Variants in COL22A1 observed in about 807,000 individuals in gnomAD.
COL22A1 encodes the protein collagen alpha-1(XXII) chain.
A neutral mutation model predicts 248.9 loss-of-function variants in COL22A1; 221 were observed. That is an observed-to-expected ratio of 0.89 (90% CI 0.80 to 0.99). The LOEUF (loss-of-function observed/expected upper bound fraction) is 0.99. COL22A1 is among the 50% of genes least tolerant of loss of function. The probability of loss-of-function intolerance (pLI) is 0.00; values close to 1 mark genes in which losing one functional copy is unlikely to be tolerated. For missense variants in COL22A1, 2,240 were observed against 2,179.0 expected, an observed-to-expected ratio of 1.03 and a Z score of -0.56; for synonymous variants, 891 against 793.4, an observed-to-expected ratio of 1.12 and a Z score of -2.07.
At chr8:138,826,161 G>A (rs181143882) in intron 6 of COL22A1, among the ~76,000 whole-genome samples, 4 of 152,198 alleles carry the variant, frequency 2.6e-5, no homozygotes, top group South Asian at 2.1e-4. Context: ...TCCCACCAAC[G>A]GTTCATGGTA....
chr8:138,591,500 A>G lies in COL22A1; in HGVS notation c.4617T>C (p.Gly1539=). Residue 1539 remains glycine (G), a splice_region_variant and synonymous_variant, in exon 64 of 65, where the codon GGT becomes GGC. Coordinates refer to ENST00000303045, the MANE Select transcript of COL22A1 (RefSeq NM_152888.3). The part of the protein sequence containing the change: ...EGPSGPIGPK[G]ERGAKGDPGA... ...CTGGGTCACCTTTGGCTCCTCGCTC[A>G]CCTGGGAAGAAAAACATGCACTTTT... 1 of 1,539,252 alleles carries G rather than the reference A, an allele frequency of 6.5e-7. No homozygotes were observed.
intron 18 of COL22A1, among the ~76,000 whole-genome samples, chr8:138,756,362 T>C (rs533003118): frequency 1.2e-4 from 19 of 152,232 alleles, no homozygotes; most frequent in African/African-American, 4.6e-4. Context: ...GTCTCCTGCC[T>C]CCTCCTCCTT....
rs571599385 is a variant in COL22A1 at position 138,841,121 on chromosome 8, C to T, written c.733+2963G>A. On this transcript the variant is annotated intron_variant, in intron 4 of 64. Transcript: ENST00000303045. ...TTGTCCATCCCTCCATCCAGCCTCC[C>T]ATCCAACCATTCATGTTTTCATCCT... 2.9e-4 allele frequency among the ~76,000 whole-genome samples: 44 copies of T among 152,262 alleles called. No individual in the cohort carries two copies. In the South Asian group the frequency reaches 8.1e-3, roughly 28 times the overall value.
At chr8:138,811,986 C>A (rs974668918) in intron 8 of COL22A1, 65 bp from the exon 9 acceptor site, 9 of 1,482,356 alleles carry the variant, frequency 6.1e-6, no homozygotes, top group African/African-American at 4.2e-5. Flanking sequence ...CTGGCAGAAG[C>A]ACAGTGTCGG....
intron 7 of COL22A1, among the ~76,000 whole-genome samples, chr8:138,815,826 A>G (rs921171253): frequency 2.0e-5 from 3 of 152,116 alleles, no homozygotes; most frequent in Non-Finnish European, 2.9e-5. Flanking sequence ...GGAGGGGGGA[A>G]CGCTTATTGC....
intron 21 of COL22A1, among the ~76,000 whole-genome samples, chr8:138,754,086 AT>A (rs1225501921): frequency 6.6e-6 from 1 of 152,240 alleles, no homozygotes; most frequent in Non-Finnish European, 1.5e-5. Flanking sequence ...AAGATGAAAA[AT>A]AACATCTTCA....
At chr8:138,701,709 A>G (rs1827989514) in intron 31 of COL22A1, among the ~76,000 whole-genome samples, 3 of 152,232 alleles carry the variant, frequency 2.0e-5, no homozygotes, top group Admixed American at 2.0e-4. Context: ...TATGGATAAG[A>G]AAATTGGAGG....
At chr8:138,677,522 C>CGTAATTTCAATTATTTTGAAATTATTT (rs1564181556) in intron 40 of COL22A1, among the ~76,000 whole-genome samples, 1 of 96,342 alleles carries the variant, frequency 1.0e-5, no homozygotes, top group East Asian at 2.8e-4. Flanking sequence ...ACGCCTTATT[C>CGTAATTTCAATTATTTTGAAATTATTT]GTAATTTCAA....
At chr8:138,594,798 G>T (rs1039121920) in intron 62 of COL22A1, among the ~76,000 whole-genome samples, 1 of 152,128 alleles carries the variant, frequency 6.6e-6, no homozygotes, top group Non-Finnish European at 1.5e-5. Flanking sequence ...CTGATGCTGG[G>T]GTGGAGGAGG....
intron 9 of COL22A1, among the ~76,000 whole-genome samples, chr8:138,809,696 T>C (rs1818044660): frequency 1.3e-5 from 2 of 151,746 alleles, no homozygotes; most frequent in African/African-American, 4.8e-5. Flanking sequence ...AATTTTTGTA[T>C]TTTAGTAGAG....
intron 11 of COL22A1, among the ~76,000 whole-genome samples, chr8:138,799,512 A>G (rs967590931): frequency 6.6e-6 from 1 of 152,142 alleles, no homozygotes; most frequent in Non-Finnish European, 1.5e-5. Context: ...TGGCTAGATT[A>G]TTTTAATTAA....
At chr8:138,805,968 GATA>G (rs1817573922) in intron 10 of COL22A1, among the ~76,000 whole-genome samples, 2 of 141,262 alleles carry the variant, frequency 1.4e-5, no homozygotes, top group East Asian at 2.1e-4. Context: ...GTGTATGTGT[GATA>G]GTGTGTGTGA....
At chr8:138,635,490 A>G (rs1354956264) in intron 48 of COL22A1, among the ~76,000 whole-genome samples, 1 of 152,210 alleles carries the variant, frequency 6.6e-6, no homozygotes, top group Non-Finnish European at 1.5e-5. Flanking sequence ...AATGTACACA[A>G]TGGAAATGGT....
intron 1 of COL22A1, among the ~76,000 whole-genome samples, chr8:138,898,414 C>T (rs1483098545): frequency 6.8e-6 from 1 of 147,026 alleles, no homozygotes; most frequent in Non-Finnish European, 1.5e-5. Flanking sequence ...TTCATACCCT[C>T]CGCCACCACT....
chr8:138,662,011 G>A lies in COL22A1; in HGVS notation c.3240+19C>T, dbSNP rs777003263. On this transcript the variant is annotated intron_variant, in intron 43 of 64. Transcript: ENST00000303045. Reference sequence around the variant, plus strand: ...ATGTAAGGGCCTTCACTGAGTCCACGCCATTTCTCTGTACTTACGTCCCGG... The same window carrying A: ...ATGTAAGGGCCTTCACTGAGTCCACACCATTTCTCTGTACTTACGTCCCGG... 27 of 1,605,362 alleles carry A rather than the reference G, an allele frequency of 1.7e-5. No individual in the cohort carries two copies. The highest frequency in any genetic ancestry group is 5.4e-5 in the African/African-American group (4 of 74,714).
chr8:138,720,216 C>A (rs961726453), intron 27 of COL22A1, among the ~76,000 whole-genome samples: 1 of 152,132 alleles, frequency 6.6e-6, no homozygotes, highest in Non-Finnish European at 1.5e-5. Flanking sequence ...GAAGCTGGCC[C>A]GAGAAGGCTG....
chr8:138,674,550 G>A (rs546305566), intron 41 of COL22A1, among the ~76,000 whole-genome samples: 1 of 152,338 alleles, frequency 6.6e-6, no homozygotes, highest in South Asian at 2.1e-4. Context: ...CTTGACTAGA[G>A]CCAGCCAATT....
At chr8:138,691,116 G>T (rs1054386967) in intron 35 of COL22A1, among the ~76,000 whole-genome samples, 34 of 152,328 alleles carry the variant, frequency 2.2e-4, no homozygotes, top group African/African-American at 8.2e-4. Flanking sequence ...GACTCTGGAA[G>T]TTCCTTAGAG....
At chr8:138,858,527 C>T (rs1822215363) in intron 3 of COL22A1, among the ~76,000 whole-genome samples, 1 of 152,092 alleles carries the variant, frequency 6.6e-6, no homozygotes, top group African/African-American at 2.4e-5. Flanking sequence ...ACTACAGGCA[C>T]ATGCCCACCA....
Sources: gnomAD v4.1 joint callset for allele counts (sites outside exome capture counted in the v4.1 genomes callset) on GRCh38, gnomAD v4.1.1 for gene constraint, MANE v1.5 for transcripts, NCBI Gene and HGNC (gene_info 2026-07-23, HGNC 2026-07-21) for gene names.